The following CCDC195 variants were observed in gnomAD, a reference collection of about 807,000 sequenced individuals.
CCDC195 encodes the protein coiled-coil domain-containing protein 195.
chr2:224,706,694 G>C (rs2124847831), intron 2 of CCDC195, among the ~76,000 whole-genome samples: 1 of 151,152 alleles, frequency 6.6e-6, no homozygotes, highest in East Asian at 2.0e-4. Context: ...TATTTTAGTA[G>C]AGATGGGGTT....
At chr2:224,704,398 C>T (rs1334322168) in intron 2 of CCDC195, among the ~76,000 whole-genome samples, 2 of 152,092 alleles carry the variant, frequency 1.3e-5, no homozygotes, top group African/African-American at 2.4e-5. Flanking sequence ...TCTCCTTTTA[C>T]CTCTAAAATA....
At chr2:224,704,082 C>T (rs1697209636) in intron 2 of CCDC195, among the ~76,000 whole-genome samples, 195 bp from the exon 3 acceptor site, 1 of 152,100 alleles carries the variant, frequency 6.6e-6, no homozygotes, top group Non-Finnish European at 1.5e-5. Context: ...TTTCATTAAA[C>T]CCAAGGAATA....
chr2:224,712,291 A>G (rs1443507861), intron 1 of CCDC195, among the ~76,000 whole-genome samples: 1 of 152,250 alleles, frequency 6.6e-6, no homozygotes, highest in Admixed American at 6.5e-5. Flanking sequence ...TCAGAGGTCC[A>G]GCAATGCTGT....
exon 2 of CCDC195, chr2:224,710,198 C>G: frequency 2.5e-6 from 1 of 398,492 alleles, no homozygotes; most frequent in Non-Finnish European, 4.4e-6. Flanking sequence ...AATGGAATAG[C>G]GTCTAACAAT....
chr2:224,711,549 G>A (rs1259604668), intron 1 of CCDC195, among the ~76,000 whole-genome samples: 1 of 151,908 alleles, frequency 6.6e-6, no homozygotes, highest in African/African-American at 2.4e-5. Flanking sequence ...TTGTCCATGT[G>A]GCTTACAACA....
At chr2:224,708,300 G>A (rs1689253757) in intron 2 of CCDC195, among the ~76,000 whole-genome samples, 1 of 152,144 alleles carries the variant, frequency 6.6e-6, no homozygotes, top group South Asian at 2.1e-4. Context: ...GTTTTCATAA[G>A]ACATTTATTC....
At chr2:224,711,349 C>T (rs535202588) in intron 1 of CCDC195, among the ~76,000 whole-genome samples, 1 of 144,192 alleles carries the variant, frequency 6.9e-6, no homozygotes, top group East Asian at 2.0e-4. Context: ...TGAGGTAAAT[C>T]AAATCTTCCC....
chr2:224,710,077 A>G, exon 2 of CCDC195: 1 of 398,606 alleles, frequency 2.5e-6, no homozygotes, highest in Non-Finnish European at 4.4e-6. Context: ...TCTTAATTGG[A>G]GAACATGCCA....
At chr2:224,710,655 A>G (rs1354616684) in intron 1 of CCDC195, among the ~76,000 whole-genome samples, 1 of 152,240 alleles carries the variant, frequency 6.6e-6, no homozygotes, top group Non-Finnish European at 1.5e-5. Context: ...TCAAATAAAC[A>G]AAAAGCATTC....
intron 2 of CCDC195, among the ~76,000 whole-genome samples, chr2:224,709,247 C>T (rs1689277935): frequency 6.6e-6 from 1 of 152,098 alleles, no homozygotes; most frequent in East Asian, 1.9e-4. Context: ...GGCCACCATG[C>T]CTGGCTAATT....
chr2:224,715,144 G>T (rs1252776554), intron 1 of CCDC195, among the ~76,000 whole-genome samples: 1 of 152,102 alleles, frequency 6.6e-6, no homozygotes. Context: ...GGCCAGGAAG[G>T]TCTCAATCTC....
chr2:224,704,604 TC>T (rs1697215685), intron 2 of CCDC195, among the ~76,000 whole-genome samples: 1 of 134,144 alleles, frequency 7.5e-6, no homozygotes, highest in African/African-American at 2.9e-5. Flanking sequence ...TTTTTTCTTT[TC>T]TTTTCTTTTT....
At chr2:224,707,717 A>G (rs1689232118) in intron 2 of CCDC195, among the ~76,000 whole-genome samples, 1 of 152,262 alleles carries the variant, frequency 6.6e-6, no homozygotes, top group Admixed American at 6.5e-5. Context: ...TGCAAGGCAG[A>G]GAATCCTGCC....
chr2:224,708,222 T>C (rs1326603321), intron 2 of CCDC195, among the ~76,000 whole-genome samples: 6 of 152,184 alleles, frequency 3.9e-5, no homozygotes, highest in African/African-American at 1.4e-4. Flanking sequence ...AATCTATTGG[T>C]GCATGTAACA....
chr2:224,716,269 T>A (rs953473803), exon 1 of CCDC195: 1 of 398,714 alleles, frequency 2.5e-6, no homozygotes, highest in Admixed American at 4.4e-5. Flanking sequence ...CTACTTGCAG[T>A]GAGTTTCATC....
chr2:224,711,592 G>A (rs1689320619), intron 1 of CCDC195, among the ~76,000 whole-genome samples: 1 of 152,032 alleles, frequency 6.6e-6, no homozygotes, highest in Admixed American at 6.6e-5. Flanking sequence ...ATTTTCTGGA[G>A]CACTTTATGA....
intron 2 of CCDC195, among the ~76,000 whole-genome samples, chr2:224,706,906 TAC>T (rs149946593): frequency 6.6e-6 from 1 of 151,240 alleles, no homozygotes; most frequent in Admixed American, 6.6e-5. Context: ...TATATATATA[TAC>T]ACACACGCGC....
intron 2 of CCDC195, among the ~76,000 whole-genome samples, chr2:224,708,011 T>TCTTC (rs58888531): frequency 0.41 from 34,302 of 83,300 alleles, 8,431 homozygotes; most frequent in African/African-American, 0.54. Context: ...TTCCTTCCTT[T>TCTTC]CTTCCTTCCT....
At position 224,707,667 on chromosome 2, in the gene CCDC195, A is replaced by G. The variant is rs141521841; in HGVS notation, c.482+2306T>C. ...CATGTTGCAAAGAAATAAGCTCCAC[A>G]TGGGCAGGGGTTTTTGACAATTCGG... On this transcript the variant is annotated intron_variant, in intron 2 of 2. Transcript: ENST00000638102. Among the ~76,000 whole-genome samples, 817 of 152,340 alleles carry G rather than the reference A, an allele frequency of 5.4e-3. 5 individuals carry two copies. The highest frequency in any genetic ancestry group is 0.017 in the African/African-American group (703 of 41,576).
Sources: gnomAD v4.1 joint callset for allele counts (sites outside exome capture counted in the v4.1 genomes callset) on GRCh38, gnomAD v4.1.1 for gene constraint, MANE v1.5 for transcripts, NCBI Gene and HGNC (gene_info 2026-07-23, HGNC 2026-07-21) for gene names.